Variants in CYTH3 observed in about 807,000 individuals in gnomAD.
CYTH3 encodes cytohesin 3, also known as cytohesin-3.
A neutral mutation model predicts 55.1 loss-of-function variants in CYTH3; 23 were observed. That is an observed-to-expected ratio of 0.42 (90% confidence interval 0.30 to 0.59). CYTH3 has a LOEUF of 0.59. CYTH3 is among the 20% of genes least tolerant of loss of function. The probability of loss-of-function intolerance (pLI) is 0.20; values close to 1 mark genes in which losing one functional copy is unlikely to be tolerated. For synonymous variants in CYTH3, 249 were observed against 194.9 expected (o/e 1.28, Z -2.31); for missense variants, 413 against 524.8 (o/e 0.79, Z 2.08).
Position 6,170,894 on chromosome 7 carries a change from T to G in CYTH3, c.647A>C (p.Glu216Ala), listed in dbSNP as rs1163001665. The change falls in exon 8 of 13, where the codon GAA becomes GCA. Residue 216 changes from glutamate (E) to alanine (A), a missense_variant. Transcript: ENST00000350796. This position sits in a 1 kb window ranked among gnomAD's most constrained non-coding sequence, Gnocchi z 7.8. The part of the protein sequence containing the change: ...NHNVRDKPTA[E>A]RFIAMNRGIN... ...GCCGCGGTTCATGGCGATGAACCGTTCTGCCGTGGGCTTGTCACGCACGTT... is the reference window on the plus strand; with the variant it reads ...GCCGCGGTTCATGGCGATGAACCGTGCTGCCGTGGGCTTGTCACGCACGTT... 6.2e-7 allele frequency: 1 copy of G among 1,613,848 alleles called. No homozygotes were observed. The highest frequency in any genetic ancestry group is 2.2e-5 in the East Asian group (1 of 44,872).
intron 1 of CYTH3, among the ~76,000 whole-genome samples, chr7:6,242,462 C>T (rs7785078): frequency 0.086 from 12,901 of 150,270 alleles, 1,449 homozygotes; most frequent in African/African-American, 0.26. Context: ...CTGCAACCTC[C>T]GCCTCCCAGG....
At chr7:6,185,241 T>C (rs1783605912) in intron 4 of CYTH3, among the ~76,000 whole-genome samples, 1 of 152,190 alleles carries the variant, frequency 6.6e-6, no homozygotes, top group African/African-American at 2.4e-5. Context: ...CTAGAGTGTA[T>C]GCATTAAACA....
intron 1 of CYTH3, among the ~76,000 whole-genome samples, chr7:6,228,001 G>C (rs1257820109): frequency 6.6e-6 from 1 of 152,046 alleles, no homozygotes; most frequent in African/African-American, 2.4e-5. Context: ...TAATTGCTAG[G>C]GTTCACTCTG....
chr7:6,227,555 A>C (rs1184298856), intron 1 of CYTH3, among the ~76,000 whole-genome samples: 3 of 152,196 alleles, frequency 2.0e-5, no homozygotes, highest in Non-Finnish European at 4.4e-5. Flanking sequence ...AAGCGTTCCC[A>C]CTACAGACAG....
chr7:6,214,233 G>T (rs190873337), intron 1 of CYTH3, among the ~76,000 whole-genome samples: 1 of 152,268 alleles, frequency 6.6e-6, no homozygotes, highest in East Asian at 1.9e-4. Flanking sequence ...AGCCTAGGTG[G>T]GGGGTTTACA....
intron 1 of CYTH3, among the ~76,000 whole-genome samples, chr7:6,217,761 A>T (rs926389858): frequency 3.9e-5 from 6 of 152,180 alleles, no homozygotes; most frequent in Non-Finnish European, 5.9e-5. Flanking sequence ...GACCCCACAG[A>T]AAATTGTAGT....
chr7:6,204,499 G>T (rs1226890483), intron 1 of CYTH3, among the ~76,000 whole-genome samples: 1 of 152,148 alleles, frequency 6.6e-6, no homozygotes, highest in Non-Finnish European at 1.5e-5. Context: ...AGATGTGAAA[G>T]GTGAGGATTT....
rs147202965 is a variant in CYTH3, at chr7:6,213,661, C to T, written c.35-23130G>A. On this transcript the variant is annotated intron_variant, in intron 1 of 12. Coordinates refer to ENST00000350796, the MANE Select transcript of CYTH3 (RefSeq NM_004227.4). Reference sequence around the variant, plus strand: ...CCAATGGTCTAGGGAAGCACAGTTCCTAAGTGTGACTATCTCACAGCTTTG... The same window carrying T: ...CCAATGGTCTAGGGAAGCACAGTTCTTAAGTGTGACTATCTCACAGCTTTG... Among the ~76,000 whole-genome samples, 9 of 152,152 alleles carry T rather than the reference C, an allele frequency of 5.9e-5. No homozygotes were observed. The East Asian group carries it at 1.7e-3, about 29-fold the overall frequency.
intron 9 of CYTH3, among the ~76,000 whole-genome samples, chr7:6,168,358 T>G (rs567822714): frequency 1.3e-5 from 2 of 151,884 alleles, no homozygotes; most frequent in South Asian, 4.2e-4. Flanking sequence ...GACCACCTGT[T>G]CTAAAAGCAA....
At position 6,272,540 on chromosome 7, in the gene CYTH3, G is replaced by C. The variant is rs764508662; in HGVS notation, c.-33C>G. The C allele has an allele frequency of 7.6e-7, 1 of 1,310,390 alleles. No individual in the cohort carries two copies. The highest frequency in any genetic ancestry group is 1.7e-5 in the South Asian group (1 of 59,298). 81.2% of individuals were successfully genotyped at this position (1,310,390 alleles called of 1,614,324 possible). On this transcript the variant is annotated 5_prime_UTR_variant, in exon 1 of 13. Transcript: ENST00000350796. ...CCACTCCCGCAGCCGGCGAGCCGGG[G>C]GCCGGCAGCAGAGGGGCCGCGGGCT... is the stretch of plus-strand genomic sequence containing the variant.
At chr7:6,269,014 G>T (rs932956699) in intron 1 of CYTH3, among the ~76,000 whole-genome samples, 1 of 152,174 alleles carries the variant, frequency 6.6e-6, no homozygotes, top group Non-Finnish European at 1.5e-5. Flanking sequence ...AAGGAGACAA[G>T]GTACCTGCCA....
At chr7:6,207,366 C>G (rs1321626111) in intron 1 of CYTH3, among the ~76,000 whole-genome samples, 1 of 152,070 alleles carries the variant, frequency 6.6e-6, no homozygotes, top group Non-Finnish European at 1.5e-5. Context: ...AGTGCTGGGA[C>G]TACAGGCGTG....
At position 6,165,305 on chromosome 7, in the gene CYTH3, C is replaced by T. The variant is rs139638792; in HGVS notation, c.1095G>A (p.Pro365=). 191 of 1,613,838 alleles carry T rather than the reference C, an allele frequency of 1.2e-4. No homozygotes were observed. Among genetic ancestry groups the T allele is most frequent in the East Asian group, 2.7e-4 (12 of 44,874 alleles). ...ATTTCATCCACTCCTCCTTCTCCTC[C>T]GGGCTCGGGGCTGAGATCCGGTACA... ...HVVYRISAPS[P]EEKEEWMKSI... Residue 365 remains proline (P), a synonymous_variant, in exon 12 of 13, where the codon CCG becomes CCA. Coordinates refer to ENST00000350796, the MANE Select transcript of CYTH3 (RefSeq NM_004227.4).
chr7:6,253,390 G>A (rs1397878288), intron 1 of CYTH3, among the ~76,000 whole-genome samples: 2 of 151,720 alleles, frequency 1.3e-5, no homozygotes, highest in Non-Finnish European at 2.9e-5. Flanking sequence ...TGTATTTTTA[G>A]TAGAGATAGG....
intron 6 of CYTH3, 104 bp downstream of exon 6, chr7:6,173,549 T>A: frequency 6.6e-6 from 5 of 761,206 alleles, no homozygotes; most frequent in Non-Finnish European, 1.2e-5. Context: ...GTGAGACTCG[T>A]GTGGCACCAA....
chr7:6,177,760 G>A, intron 5 of CYTH3, 63 bp downstream of exon 5: 1 of 1,290,500 alleles, frequency 7.7e-7, no homozygotes, highest in Non-Finnish European at 1.1e-6. Flanking sequence ...TGGAGCGTGA[G>A]CCTAGGTCAA....
At chr7:6,204,228 C>A (rs1784133036) in intron 1 of CYTH3, among the ~76,000 whole-genome samples, 1 of 151,978 alleles carries the variant, frequency 6.6e-6, no homozygotes, top group Admixed American at 6.6e-5. Flanking sequence ...ATCATGGCAC[C>A]CAACAGGTGT....
intron 1 of CYTH3, among the ~76,000 whole-genome samples, chr7:6,196,419 T>C (rs1316482545): frequency 5.9e-5 from 9 of 151,348 alleles, no homozygotes; most frequent in Non-Finnish European, 1.3e-4. Flanking sequence ...AAACTATTAC[T>C]CTTACGCATC....
At chr7:6,222,046 G>A (rs1331562634) in intron 1 of CYTH3, among the ~76,000 whole-genome samples, 4 of 152,234 alleles carry the variant, frequency 2.6e-5, no homozygotes, top group Non-Finnish European at 5.9e-5. Flanking sequence ...CCAGACAGAA[G>A]GACTTACACA....
Sources: allele counts gnomAD v4.1 joint callset (sites outside exome capture counted in the v4.1 genomes callset), GRCh38; gene constraint gnomAD v4.1.1; non-coding constraint Gnocchi (gnomAD v3.1); transcripts MANE v1.5; gene names NCBI Gene and HGNC (gene_info 2026-07-23, HGNC 2026-07-21).